The following NKAIN2 variants were observed in gnomAD, a reference collection of about 807,000 sequenced individuals.
The protein encoded by NKAIN2 is sodium/potassium transporting ATPase interacting 2.
In NKAIN2, 14 loss-of-function variants were observed where a neutral mutation model predicts 32.6. The ratio of observed to expected loss-of-function variants is 0.43; its 90% CI spans 0.28 to 0.67. NKAIN2 has a LOEUF of 0.67. Among genes scored for constraint, NKAIN2 ranks in the 30% least tolerant of loss-of-function variants. The pLI, the probability that NKAIN2 is intolerant of heterozygous loss-of-function variation, is 0.17. For missense variants in NKAIN2, 198 were observed against 258.3 expected (o/e 0.77, Z 1.60); for synonymous variants, 80 against 87.2 (o/e 0.92, Z 0.46).
intron 3 of NKAIN2, among the ~76,000 whole-genome samples, chr6:124,514,051 C>T (rs1302883862): frequency 6.6e-6 from 1 of 151,990 alleles, no homozygotes; most frequent in African/African-American, 2.4e-5. Context: ...ATTCATGAAC[C>T]AAATATTATC....
At chr6:124,188,102 A>G (rs537418890) in intron 1 of NKAIN2, among the ~76,000 whole-genome samples, 2 of 152,336 alleles carry the variant, frequency 1.3e-5, no homozygotes. Context: ...TTTTCAGAAG[A>G]TGAAAATGCG....
chr6:124,731,262 G>A (rs1361932656), intron 4 of NKAIN2, among the ~76,000 whole-genome samples: 5 of 144,718 alleles, frequency 3.5e-5, no homozygotes, highest in Admixed American at 7.0e-5. Context: ...ACATGCACAC[G>A]TATGTTTATT....
chr6:124,019,145 C>G (rs1363762009), intron 1 of NKAIN2, among the ~76,000 whole-genome samples: 3 of 152,212 alleles, frequency 2.0e-5, no homozygotes, highest in African/African-American at 4.8e-5. Context: ...AAAGACCCAC[C>G]CACATGATTC....
chr6:124,633,516 A>C (rs888541397), intron 3 of NKAIN2, among the ~76,000 whole-genome samples: 2 of 152,196 alleles, frequency 1.3e-5, no homozygotes, highest in African/African-American at 4.8e-5. Flanking sequence ...CATGAAATTC[A>C]TCATCAATAA....
intron 4 of NKAIN2, among the ~76,000 whole-genome samples, chr6:124,782,650 A>G (rs1478341892): frequency 1.3e-5 from 2 of 152,096 alleles, no homozygotes; most frequent in African/African-American, 4.8e-5. Context: ...CCTTTTGTAT[A>G]GTTAATTTTG....
intron 3 of NKAIN2, among the ~76,000 whole-genome samples, chr6:124,649,048 A>C (rs1029692331): frequency 6.6e-6 from 1 of 152,206 alleles, no homozygotes; most frequent in Non-Finnish European, 1.5e-5. Flanking sequence ...AAAATCAATA[A>C]GCTAACCTTC....
intron 3 of NKAIN2, among the ~76,000 whole-genome samples, chr6:124,477,131 T>G (rs1777250219): frequency 6.6e-6 from 1 of 152,158 alleles, no homozygotes; most frequent in Admixed American, 6.6e-5. Context: ...CTTATAAAGC[T>G]TTTTCAAGGG....
At chr6:123,811,750 A>T (rs4897531) in intron 1 of NKAIN2, among the ~76,000 whole-genome samples, 54,229 of 151,844 alleles carry the variant, frequency 0.36, 13,577 homozygotes, top group African/African-American at 0.68. Context: ...GTTAAAGGGA[A>T]GTTTATGGCC....
At chr6:124,401,569 C>G (rs1163288043) in intron 3 of NKAIN2, among the ~76,000 whole-genome samples, 1 of 152,188 alleles carries the variant, frequency 6.6e-6, no homozygotes, top group Non-Finnish European at 1.5e-5. Flanking sequence ...AACCTCTGCT[C>G]TACAGCATAG....
At chr6:124,778,356 C>CAA (rs796068383) in intron 4 of NKAIN2, among the ~76,000 whole-genome samples, 8 of 139,742 alleles carry the variant, frequency 5.7e-5, no homozygotes, top group African/African-American at 2.1e-4. Context: ...AATAATACTT[C>CAA]AAAAAAAAAA....
chr6:124,008,220 A>G (rs1456110504), intron 1 of NKAIN2, among the ~76,000 whole-genome samples: 2 of 152,138 alleles, frequency 1.3e-5, no homozygotes, highest in African/African-American at 2.4e-5. Flanking sequence ...GGGAAATGTG[A>G]TCTTTTGTCT....
rs1043680687 is a variant in NKAIN2 at position 124,331,369 on chromosome 6, A to C, written c.193-23898A>C. ...ACAAAAAAAAAAAAAAAAAAAAAAA[A>C]AAAAAAAAAACTAGCTGGGCGTGGT... On this transcript the variant is annotated intron_variant, in intron 2 of 6. Coordinates refer to ENST00000368417, the MANE Select transcript of NKAIN2 (RefSeq NM_001040214.3). 1.8e-4 allele frequency among the ~76,000 whole-genome samples: 26 copies of C among 143,822 alleles called. 1 individual carries two copies. Among genetic ancestry groups the C allele is most frequent in the Admixed American group, 1.7e-3 (25 of 14,328 alleles). 94.4% of individuals were successfully genotyped at this position (143,822 alleles called of 152,430 possible). A position where few individuals can be genotyped will look rare whatever the true frequency, so the allele number is the denominator to read the frequency against.
At chr6:124,213,199 A>G (rs1159133813) in intron 1 of NKAIN2, among the ~76,000 whole-genome samples, 1 of 152,086 alleles carries the variant, frequency 6.6e-6, no homozygotes, top group East Asian at 1.9e-4. Flanking sequence ...TATGCCATGT[A>G]TCAGTTTTCT....
At chr6:124,098,910 G>C (rs1752911244) in intron 1 of NKAIN2, among the ~76,000 whole-genome samples, 1 of 151,794 alleles carries the variant, frequency 6.6e-6, no homozygotes, top group Admixed American at 6.6e-5. Context: ...ATAACAAAGT[G>C]TGTTTTCCCC....
chr6:124,051,661 A>G (rs965894068), intron 1 of NKAIN2, among the ~76,000 whole-genome samples: 2 of 151,894 alleles, frequency 1.3e-5, no homozygotes, highest in Non-Finnish European at 2.9e-5. Flanking sequence ...CCATTAAATT[A>G]TCATAGGGAA....
At chr6:123,827,899 A>C (rs560694845) in intron 1 of NKAIN2, among the ~76,000 whole-genome samples, 1,938 of 151,688 alleles carry the variant, frequency 0.013, 22 homozygotes, top group Non-Finnish European at 0.014. Context: ...CTCTCTCTAT[A>C]TATATATATG....
At chr6:123,975,936 G>A (rs773340194) in intron 1 of NKAIN2, among the ~76,000 whole-genome samples, 19 of 151,888 alleles carry the variant, frequency 1.3e-4, no homozygotes, top group Non-Finnish European at 7.4e-5. Flanking sequence ...GAGGGACCCC[G>A]TGGGAGGTAA....
intron 1 of NKAIN2, among the ~76,000 whole-genome samples, chr6:123,829,505 G>A (rs981663801): frequency 1.3e-5 from 2 of 152,126 alleles, no homozygotes. Context: ...CTTCCTACAT[G>A]ATGAGTCAGG....
intron 4 of NKAIN2, among the ~76,000 whole-genome samples, chr6:124,755,916 G>C (rs553811283): frequency 3.9e-5 from 6 of 152,174 alleles, no homozygotes; most frequent in African/African-American, 1.4e-4. Context: ...TGTTAAATTT[G>C]ATATAATTTT....
Sources: allele counts gnomAD v4.1 joint callset (sites outside exome capture counted in the v4.1 genomes callset), GRCh38; gene constraint gnomAD v4.1.1; transcripts MANE v1.5; gene names NCBI Gene and HGNC (gene_info 2026-07-23, HGNC 2026-07-21).